POLR1C: variants seen among roughly 807,000 people sequenced by gnomAD.
POLR1C encodes the protein DNA-directed RNA polymerases I and III subunit RPAC1.
A neutral mutation model predicts 38.3 loss-of-function variants in POLR1C; 42 were observed. The observed-to-expected ratio is 1.10, with a 90% CI of 0.86 to 1.42. The LOEUF is 1.42. Among genes scored for constraint, POLR1C ranks in the 40% most tolerant of loss-of-function variants. The pLI is 0.00. For missense variants in POLR1C, 507 were observed against 450.5 expected (o/e 1.13, Z -1.14); for synonymous variants, 163 against 163.9 (o/e 0.99, Z 0.04).
intron 9 of POLR1C, among the ~76,000 whole-genome samples, chr6:43,549,147 C>T (rs1006987701): frequency 3.3e-5 from 5 of 152,268 alleles, no homozygotes; most frequent in Non-Finnish European, 5.9e-5. Context: ...CTGCAACCTC[C>T]GCCTCCTGAG....
At chr6:43,539,188 G>A in intron 9 of POLR1C, 1 of 1,130,492 alleles carries the variant, frequency 8.8e-7, no homozygotes, top group East Asian at 2.5e-5. Flanking sequence ...TGCCGATCTT[G>A]TTCCCCTAGT....
intron 9 of POLR1C, among the ~76,000 whole-genome samples, chr6:43,541,877 G>A (rs558705479): frequency 3.3e-5 from 5 of 152,116 alleles, no homozygotes; most frequent in Admixed American, 6.6e-5. Flanking sequence ...TCCTGGGTTC[G>A]AGTGATTCTC....
At chr6:43,532,518 G>C (rs1794048125), downstream of POLR1C, among the ~76,000 whole-genome samples, 1 of 152,180 alleles carries the variant, frequency 6.6e-6, no homozygotes, top group Admixed American at 6.5e-5. Flanking sequence ...TCCCAGACTA[G>C]CTCCCTGTGC....
In POLR1C at chr6:43,521,310, C is replaced by CT; in HGVS notation, c.*12dup. ...GGTTCAGATGGACTGAGCTTGGATG[C>CT]TTCTGAGGCAAGCTGAAGCTTTGGG... On this transcript the variant is annotated 3_prime_UTR_variant, in exon 9 of 9. Transcript: ENST00000642195. 1 of 1,612,068 alleles carries CT rather than the reference C, an allele frequency of 6.2e-7. No homozygotes were observed. Among genetic ancestry groups the CT allele is most frequent in the Non-Finnish European group, 8.5e-7 (1 of 1,179,934 alleles).
intron 10 of POLR1C, among the ~76,000 whole-genome samples, chr6:43,557,785 A>T (rs1404115810): frequency 0.074 from 427 of 5,802 alleles, 3 homozygotes; most frequent in South Asian, 0.25. Flanking sequence ...TAAAGCTGTA[A>T]AAAAAAAAAA....
intron 10 of POLR1C, chr6:43,551,597 T>C: frequency 1.0e-6 from 1 of 991,222 alleles, no homozygotes; most frequent in East Asian, 2.5e-5. Flanking sequence ...CAATCATCAC[T>C]CACTGTAACC....
At chr6:43,551,355 A>G in intron 10 of POLR1C, 1 of 1,614,014 alleles carries the variant, frequency 6.2e-7, no homozygotes, top group African/African-American at 1.3e-5. Flanking sequence ...GAAAGAGTGC[A>G]GAGACATTAG....
downstream of POLR1C, chr6:43,523,151 G>A (rs1793300646): frequency 6.0e-6 from 1 of 165,662 alleles, no homozygotes; most frequent in African/African-American, 2.4e-5. Flanking sequence ...AGACTGAGGG[G>A]TCATTCATGG....
intron 9 of POLR1C, among the ~76,000 whole-genome samples, chr6:43,535,151 A>T (rs1422906250): frequency 6.6e-6 from 1 of 150,618 alleles, no homozygotes; most frequent in Non-Finnish European, 1.5e-5. Context: ...AATTAGCCGG[A>T]CGTGGTGGTG....
chr6:43,548,197 C>CTA, intron 9 of POLR1C: 1 of 1,484,448 alleles, frequency 6.7e-7, no homozygotes, highest in East Asian at 2.3e-5. Context: ...CACCCTGGGC[C>CTA]TAGCTCTTAA....
chr6:43,541,321 A>C (rs1794678578), intron 9 of POLR1C, among the ~76,000 whole-genome samples: 1 of 152,216 alleles, frequency 6.6e-6, no homozygotes, highest in Non-Finnish European at 1.5e-5. Flanking sequence ...CCCCATTTTA[A>C]TTGATGTGAT....
intron 8 of POLR1C, chr6:43,526,711 C>T (rs1793617279): frequency 2.5e-6 from 4 of 1,613,878 alleles, no homozygotes; most frequent in South Asian, 1.1e-5. Flanking sequence ...GGGAGCACTA[C>T]TGTGGTCAGC....
intron 10 of POLR1C, chr6:43,556,042 C>T (rs748906348): frequency 6.4e-7 from 1 of 1,564,856 alleles, no homozygotes. Context: ...TATTAATTTA[C>T]CACCCTAGGG....
At chr6:43,539,015 G>A (rs1794523208) in intron 9 of POLR1C, 2 of 1,538,072 alleles carry the variant, frequency 1.3e-6, no homozygotes, top group African/African-American at 1.4e-5. Flanking sequence ...CAGGGTGGCA[G>A]TGCAGCCCTG....
chr6:43,538,701 C>G, intron 9 of POLR1C: 1 of 447,090 alleles, frequency 2.2e-6, no homozygotes, highest in Non-Finnish European at 3.9e-6. Context: ...CTCTTTGGTA[C>G]TGTTAATGTC....
intron 8 of POLR1C, chr6:43,528,089 C>G: frequency 6.8e-7 from 1 of 1,469,802 alleles, no homozygotes; most frequent in South Asian, 1.2e-5. Flanking sequence ...AATCCCTGCC[C>G]GCTTCCTTTT....
intron 4 of POLR1C, 68 bp from the exon 5 acceptor site, chr6:43,519,998 A>G (rs1793054908): frequency 6.3e-7 from 1 of 1,593,552 alleles, no homozygotes; most frequent in Admixed American, 1.8e-5. Context: ...GGAAACACGT[A>G]AAGCATTCAG....
At chr6:43,521,578 G>A (rs1793192515), downstream of POLR1C, 3 of 753,008 alleles carry the variant, frequency 4.0e-6, no homozygotes, top group South Asian at 3.7e-5. Context: ...AGGCTGGAGT[G>A]CAGTGGTGCA....
chr6:43,552,728 C>T (rs964539640), intron 10 of POLR1C, among the ~76,000 whole-genome samples: 1 of 152,120 alleles, frequency 6.6e-6, no homozygotes, highest in African/African-American at 2.4e-5. Flanking sequence ...TTTAGTAAAT[C>T]CTCATCTGCC....
Sources: gnomAD v4.1 joint callset for allele counts (sites outside exome capture counted in the v4.1 genomes callset) on GRCh38, gnomAD v4.1.1 for gene constraint, MANE v1.5 for transcripts, NCBI Gene and HGNC (gene_info 2026-07-23, HGNC 2026-07-21) for gene names.